NDUFAF6: variants seen among roughly 807,000 people sequenced by gnomAD.
The protein encoded by NDUFAF6 is NADH dehydrogenase (ubiquinone) complex I, assembly factor 6.
Under a neutral mutation model 40.8 loss-of-function variants are expected in NDUFAF6, and 45 were observed. The ratio of observed to expected loss-of-function variants is 1.10; its 90% CI spans 0.87 to 1.42. The LOEUF is 1.42. NDUFAF6 is among the 40% of genes most tolerant of loss of function. NDUFAF6 has a pLI of 0.00. For missense variants in NDUFAF6, 435 were observed against 418.5 expected (o/e 1.04, Z -0.34); for synonymous variants, 185 against 155.9 (o/e 1.19, Z -1.39).
Position 94,992,492 on chromosome 8 carries a change from GA to G in NDUFAF6, c.-84+11528del, listed in dbSNP as rs201036205. On this transcript the variant is annotated intron_variant, in intron 2 of 9. Transcript: ENST00000396111. ...ACAGAGCAAGACTCCCGTCTCAAAA[GA>G]AAAAAAAATGACATGTTAAAAAAGT... Among the ~76,000 whole-genome samples the G allele has an allele frequency of 3.3e-5, 5 of 149,780 alleles. No individual in the cohort carries two copies. The South Asian group carries it at 6.3e-4, about 19-fold the overall frequency.
chr8:95,086,302 G>A (rs1809040655), intron 2 of NDUFAF6, among the ~76,000 whole-genome samples: 2 of 152,048 alleles, frequency 1.3e-5, no homozygotes, highest in Admixed American at 1.3e-4. Flanking sequence ...AGAAAACAGT[G>A]TTCCCCTCAA....
chr8:95,059,049 A>C (rs554439619), downstream of NDUFAF6, among the ~76,000 whole-genome samples: 56 of 152,260 alleles, frequency 3.7e-4, no homozygotes, highest in African/African-American at 1.3e-3. Context: ...ACAAACGAAT[A>C]ATAATTAATA....
chr8:95,046,208 G>A (rs1323776614), intron 5 of NDUFAF6, among the ~76,000 whole-genome samples: 6 of 151,954 alleles, frequency 3.9e-5, no homozygotes, highest in Non-Finnish European at 5.9e-5. Context: ...CTACAGGGAC[G>A]TGCCACCACG....
At chr8:94,929,003 T>G (rs945855531) in intron 1 of NDUFAF6, 3 of 152,448 alleles carry the variant, frequency 2.0e-5, no homozygotes, top group African/African-American at 7.3e-5. Context: ...TCAGTCAGAG[T>G]GGATGGCTCA....
At chr8:94,967,604 G>A (rs1462472552) in intron 1 of NDUFAF6, among the ~76,000 whole-genome samples, 2 of 151,924 alleles carry the variant, frequency 1.3e-5, no homozygotes, top group Non-Finnish European at 2.9e-5. Flanking sequence ...GCTTAGTTGG[G>A]TGCCTCTGGC....
chr8:95,031,571 T>C (rs950765555), intron 1 of NDUFAF6, among the ~76,000 whole-genome samples: 1 of 152,214 alleles, frequency 6.6e-6, no homozygotes, highest in Non-Finnish European at 1.5e-5. Flanking sequence ...AAATAAGACA[T>C]GTCAGGCCTT....
chr8:94,939,714 G>T, intron 1 of NDUFAF6: 1 of 1,174,600 alleles, frequency 8.5e-7, no homozygotes, highest in Non-Finnish European at 1.2e-6. Flanking sequence ...TTATCTTACG[G>T]ACCATCTTGT....
At chr8:95,010,595 A>C (rs988697778) in intron 2 of NDUFAF6, among the ~76,000 whole-genome samples, 1 of 152,184 alleles carries the variant, frequency 6.6e-6, no homozygotes, top group Admixed American at 6.5e-5. Flanking sequence ...TCCTGAGAGA[A>C]TTTGTGATTG....
chr8:94,950,084 G>C (rs1431557011), intron 2 of NDUFAF6: 1 of 152,386 alleles, frequency 6.6e-6, no homozygotes, highest in East Asian at 1.9e-4. Context: ...AGGCAGAGAG[G>C]TCAGCAGGCT....
At chr8:95,022,314 G>T (rs1288155113), upstream of NDUFAF6, among the ~76,000 whole-genome samples, 1 of 151,218 alleles carries the variant, frequency 6.6e-6, no homozygotes, top group Non-Finnish European at 1.5e-5. Context: ...GGAAGACCGG[G>T]GAAGAGAAAA....
At chr8:95,078,662 A>AAAAAATATATATATATATAT (rs545018367), downstream of NDUFAF6, 7 of 121,038 alleles carry the variant, frequency 5.8e-5, no homozygotes, top group African/African-American at 2.0e-4. Flanking sequence ...AAAAAAAAAA[A>AAAAAATATATATATATATAT]ATATATATAT....
rs1185379421 is a variant in NDUFAF6, at chr8:95,044,015, A to G, written c.478-1530A>G. On this transcript the variant is annotated intron_variant, in intron 4 of 8. Transcript: ENST00000396124. Reference sequence around the variant, plus strand: ...TAGTCTGTTAATGAGTTGTTAAACAAAATGTTGTATATCCATACAATGGAA... The same window carrying G: ...TAGTCTGTTAATGAGTTGTTAAACAGAATGTTGTATATCCATACAATGGAA... Among the ~76,000 whole-genome samples, 4 of 152,378 alleles carry G rather than the reference A, an allele frequency of 2.6e-5. No homozygotes were observed. The South Asian group carries it at 8.3e-4, about 32-fold the overall frequency.
downstream of NDUFAF6, among the ~76,000 whole-genome samples, chr8:95,062,379 A>C (rs778829169): frequency 1.3e-5 from 2 of 152,180 alleles, no homozygotes; most frequent in Non-Finnish European, 1.5e-5. Flanking sequence ...TCTAGTAAAA[A>C]ACACACGTTA....
chr8:95,045,658 T>G lies in NDUFAF6; in HGVS notation c.580+11T>G. The stretch of plus-strand genomic sequence containing the variant: ...CACTAGAAATATTGGGTAAGTTGTT[T>G]TTCTGTTTCATACTTCTTTTTTCCA... On this transcript the variant is annotated intron_variant, in intron 5 of 8. Coordinates refer to ENST00000396124, the MANE Select transcript of NDUFAF6 (RefSeq NM_152416.4). 6.3e-7 allele frequency: 1 copy of G among 1,595,806 alleles called. No homozygotes were observed. Among genetic ancestry groups the G allele is most frequent in the Non-Finnish European group, 8.6e-7 (1 of 1,163,948 alleles).
chr8:95,084,174 G>T lies in NDUFAF6; in HGVS notation n.213+8422G>T, dbSNP rs16917292. On this transcript the variant is annotated intron_variant and non_coding_transcript_variant, in intron 2 of 5. Coordinates refer to the NDUFAF6 transcript ENST00000523184. Reference sequence around the variant, plus strand: ...AAGTTTTGTTGCTTTTCACATAGAAGTTTCTCATTTCTTTTGGTGGTATTC... The same window carrying T: ...AAGTTTTGTTGCTTTTCACATAGAATTTTCTCATTTCTTTTGGTGGTATTC... Among the ~76,000 whole-genome samples the T allele has an allele frequency of 2.7e-3, 417 of 151,916 alleles. 9 individuals carry two copies. The East Asian group carries it at 0.035, about 13-fold the overall frequency.
intron 1 of NDUFAF6, among the ~76,000 whole-genome samples, chr8:94,907,580 C>T (rs139782532): frequency 1.2e-4 from 18 of 152,284 alleles, no homozygotes; most frequent in Admixed American, 5.2e-4. Flanking sequence ...CATCTCACTC[C>T]TTGGTAAAAG....
At chr8:95,080,856 C>T (rs935337303), downstream of NDUFAF6, among the ~76,000 whole-genome samples, 2 of 152,098 alleles carry the variant, frequency 1.3e-5, no homozygotes, top group African/African-American at 2.4e-5. Context: ...GCACAGCAAT[C>T]GGAGCCTTAG....
upstream of NDUFAF6, among the ~76,000 whole-genome samples, chr8:94,955,643 G>C (rs889599974): frequency 6.6e-6 from 1 of 152,150 alleles, no homozygotes; most frequent in African/African-American, 2.4e-5. Flanking sequence ...TAGATTAAAA[G>C]GAAATAGGAT....
At chr8:94,901,981 T>C (rs1187170068) in intron 1 of NDUFAF6, among the ~76,000 whole-genome samples, 1 of 152,184 alleles carries the variant, frequency 6.6e-6, no homozygotes, top group Non-Finnish European at 1.5e-5. Flanking sequence ...AACATTTTGC[T>C]ATGCTTACTT....
Sources: gnomAD v4.1 joint callset for allele counts (sites outside exome capture counted in the v4.1 genomes callset) on GRCh38, gnomAD v4.1.1 for gene constraint, MANE v1.5 for transcripts, NCBI Gene and HGNC (gene_info 2026-07-23, HGNC 2026-07-21) for gene names.